MGAM2: variants seen among roughly 807,000 people sequenced by gnomAD.
MGAM2 encodes maltase-glucoamylase 2 (putative), also known as probable maltase-glucoamylase 2.
MGAM2 carries 98 observed loss-of-function variants against 96.1 expected under a neutral mutation model. The observed-to-expected ratio is 1.02, with a 90% CI of 0.87 to 1.21. MGAM2 has a LOEUF of 1.21. MGAM2 is among the 50% of genes most tolerant of loss of function. The probability of loss-of-function intolerance (pLI) is 0.00; values close to 1 mark genes in which losing one functional copy is unlikely to be tolerated. For synonymous variants in MGAM2, 749 were observed against 414.8 expected, an observed-to-expected ratio of 1.81 and a Z score of -9.79; for missense variants, 2,055 against 1,182.4, an observed-to-expected ratio of 1.74 and a Z score of -10.82.
chr7:142,174,695 CT>C (rs1325156065), intron 31 of MGAM2, among the ~76,000 whole-genome samples: 1 of 133,896 alleles, frequency 7.5e-6, no homozygotes, highest in African/African-American at 2.8e-5. Context: ...TCTAAATGCC[CT>C]TTATTTCTCT....
intron 1 of MGAM2, among the ~76,000 whole-genome samples, chr7:142,113,772 G>A (rs553799869): frequency 3.9e-5 from 6 of 152,160 alleles, no homozygotes; most frequent in Admixed American, 3.3e-4. Flanking sequence ...GAGTGGTGGA[G>A]ATTACCCAAC....
intron 3 of MGAM2, among the ~76,000 whole-genome samples, chr7:142,123,019 G>T (rs745940523): frequency 1.3e-5 from 2 of 151,996 alleles, no homozygotes; most frequent in African/African-American, 4.8e-5. Context: ...TAGTAGAGAC[G>T]GGGTTTCACC....
chr7:142,173,244 G>C lies in MGAM2; in HGVS notation c.3577G>C (p.Ala1193Pro), dbSNP rs1387049452. 4.3e-6 allele frequency: 3 copies of C among 703,048 alleles called. No homozygotes were observed. The highest frequency in any genetic ancestry group is 7.8e-6 in the Non-Finnish European group (3 of 384,932). 43.6% of individuals were successfully genotyped at this position (703,048 alleles called of 1,614,324 possible). The change falls in exon 31 of 48, where the codon GCA becomes CCA. Residue 1193 changes from alanine to proline, a missense_variant. Ala to Pro is a conservative substitution (Grantham distance 27). Transcript: ENST00000477922. ...TTTATTCTAGTTGATTGGTCGGCCA[G>C]CAATGATTCCATACTGGGCCTTGGG... is the stretch of plus-strand genomic sequence containing the variant. ...QQYTELIGRP[A>P]MIPYWALGFH...
chr7:142,131,200 G>A (rs1437247297), intron 4 of MGAM2, 129 bp downstream of exon 4: 1 of 624,240 alleles, frequency 1.6e-6, no homozygotes, highest in Non-Finnish European at 2.9e-6. Context: ...AGCACTTCGA[G>A]AGGCTGACGT....
At chr7:142,207,721 G>A (rs1414076147) in intron 45 of MGAM2, among the ~76,000 whole-genome samples, 5 of 152,060 alleles carry the variant, frequency 3.3e-5, no homozygotes, top group Admixed American at 1.3e-4. Context: ...GAGCCACCGC[G>A]CCCAGCCCAG....
chr7:142,206,818 A>G (rs78322098), intron 45 of MGAM2, among the ~76,000 whole-genome samples: 1,625 of 152,340 alleles, frequency 0.011, 34 homozygotes, highest in African/African-American at 0.037. Context: ...TAAATGTTCT[A>G]TTAGCAGACT....
chr7:142,144,783 C>A, intron 13 of MGAM2, 78 bp from the exon 14 acceptor site: 1 of 622,904 alleles, frequency 1.6e-6, no homozygotes, highest in Non-Finnish European at 2.9e-6. Context: ...ATCCTGGCTC[C>A]TAGTTCAGTA....
chr7:142,158,955 A>G (rs1795814607), intron 19 of MGAM2, among the ~76,000 whole-genome samples: 1 of 152,128 alleles, frequency 6.6e-6, no homozygotes, highest in South Asian at 2.1e-4. Context: ...GGTCCTGCTA[A>G]CCAACCAGTG....
intron 36 of MGAM2, among the ~76,000 whole-genome samples, chr7:142,188,547 A>G (rs895582910): frequency 1.1e-4 from 16 of 152,232 alleles, no homozygotes; most frequent in African/African-American, 2.9e-4. Flanking sequence ...CTTGATGTCT[A>G]CATCACTGTT....
At chr7:142,122,428 A>G (rs1009405296) in intron 3 of MGAM2, among the ~76,000 whole-genome samples, 18 of 152,368 alleles carry the variant, frequency 1.2e-4, no homozygotes, top group African/African-American at 3.4e-4. Flanking sequence ...ATGGCAAATG[A>G]CTACACATGT....
chr7:142,186,958 ATTT>A (rs11336255), intron 35 of MGAM2, among the ~76,000 whole-genome samples: 3 of 148,266 alleles, frequency 2.0e-5, no homozygotes, highest in East Asian at 2.0e-4. Context: ...CTGGGGTAGT[ATTT>A]TTTTTTTTTT....
In MGAM2 at chr7:142,180,876, A is replaced by G. The variant is rs143209644; in HGVS notation, c.3817-2390A>G. Among the ~76,000 whole-genome samples, 587 of 152,216 alleles carry G rather than the reference A, an allele frequency of 3.9e-3. 6 individuals are homozygous for G. Among genetic ancestry groups the G allele is most frequent in the African/African-American group, 0.013 (558 of 41,520 alleles). On this transcript the variant is annotated intron_variant, in intron 32 of 47. Transcript: ENST00000477922. ...TTATAATTTTTTGTTTTAATCCCAG[A>G]AGTTGAGTTTAGGAAGTTCAGTTTA...
rs528528428 is a variant in MGAM2, at chr7:142,210,407, C to A, written c.5187+1785C>A. ...GTGCCCTTGCTCAGCGGATCCCAACCCCACAGAGCCCAGCAAGCTAAGATC... is the reference window on the plus strand; with the variant it reads ...GTGCCCTTGCTCAGCGGATCCCAACACCACAGAGCCCAGCAAGCTAAGATC... On this transcript the variant is annotated intron_variant, in intron 46 of 47. Coordinates refer to ENST00000477922, the MANE Select transcript of MGAM2 (RefSeq NM_001293626.2). Among the ~76,000 whole-genome samples the A allele has an allele frequency of 1.3e-4, 20 of 152,258 alleles. 1 individual carries two copies. The South Asian group carries it at 4.1e-3, about 32-fold the overall frequency.
chr7:142,163,099 T>A (rs982504502), intron 23 of MGAM2, among the ~76,000 whole-genome samples: 1 of 152,202 alleles, frequency 6.6e-6, no homozygotes, highest in Non-Finnish European at 1.5e-5. Context: ...CCCATCCAAG[T>A]TGTGTGTGAC....
At chr7:142,175,975 G>GA (rs749713954) in intron 32 of MGAM2, among the ~76,000 whole-genome samples, 195 bp downstream of exon 32, 5 of 151,776 alleles carry the variant, frequency 3.3e-5, no homozygotes, top group African/African-American at 4.8e-5. Flanking sequence ...AGAAAGAAAT[G>GA]AAAAGGGGCT....
chr7:142,195,885 A>T (rs1005429258), intron 37 of MGAM2, among the ~76,000 whole-genome samples: 2 of 151,740 alleles, frequency 1.3e-5, no homozygotes, highest in Non-Finnish European at 2.9e-5. Flanking sequence ...ATTACGCCTC[A>T]CTCCCACCCC....
intron 36 of MGAM2, among the ~76,000 whole-genome samples, 192 bp downstream of exon 36, chr7:142,188,026 G>A (rs1199763960): frequency 6.6e-6 from 1 of 151,912 alleles, no homozygotes; most frequent in Non-Finnish European, 1.5e-5. Flanking sequence ...ATGATGTGGT[G>A]TGAAAGAAAC....
At chr7:142,143,403 T>C (rs970120430) in intron 12 of MGAM2, among the ~76,000 whole-genome samples, 1 of 152,252 alleles carries the variant, frequency 6.6e-6, no homozygotes, top group African/African-American at 2.4e-5. Flanking sequence ...AGACTTTATG[T>C]GACCTTTAAT....
intron 7 of MGAM2, among the ~76,000 whole-genome samples, chr7:142,135,474 T>C (rs1795030423): frequency 6.6e-6 from 1 of 152,206 alleles, no homozygotes; most frequent in African/African-American, 2.4e-5. Flanking sequence ...TTAAAAATTT[T>C]GTCTGTATGC....
Sources: gnomAD v4.1 joint callset for allele counts (sites outside exome capture counted in the v4.1 genomes callset) on GRCh38, gnomAD v4.1.1 for gene constraint, MANE v1.5 for transcripts, NCBI Gene and HGNC (gene_info 2026-07-23, HGNC 2026-07-21) for gene names.